The following CCSER1 variants were observed in gnomAD, a reference collection of about 807,000 sequenced individuals.
CCSER1 encodes the protein serine-rich coiled-coil domain-containing protein 1.
Under a neutral mutation model 82.0 loss-of-function variants are expected in CCSER1, and 41 were observed. The observed-to-expected ratio is 0.50, with a 90% CI of 0.39 to 0.65. CCSER1 has a LOEUF of 0.65. CCSER1 is among the 30% of genes least tolerant of loss of function. The pLI is 0.00. For synonymous variants in CCSER1, 414 were observed against 383.9 expected, an observed-to-expected ratio of 1.08 and a Z score of -0.92; for missense variants, 1,119 against 1,064.2, an observed-to-expected ratio of 1.05 and a Z score of -0.72.
intron 10 of CCSER1, among the ~76,000 whole-genome samples, chr4:91,138,936 A>G (rs1728756657): frequency 6.6e-6 from 1 of 152,194 alleles, no homozygotes; most frequent in Non-Finnish European, 1.5e-5. Flanking sequence ...TTACATGGGC[A>G]TATGGCATGA....
At chr4:91,183,796 T>C (rs895492254) in intron 10 of CCSER1, among the ~76,000 whole-genome samples, 5 of 152,148 alleles carry the variant, frequency 3.3e-5, no homozygotes, top group African/African-American at 2.4e-5. Context: ...TGCTTTTCAA[T>C]TGGTTGTAAC....
intron 6 of CCSER1, among the ~76,000 whole-genome samples, chr4:90,663,036 A>C (rs1003903601): frequency 2.0e-5 from 3 of 152,202 alleles, no homozygotes; most frequent in African/African-American, 7.2e-5. Context: ...CTCTATAATG[A>C]GAGAGGAAAT....
At chr4:90,557,444 C>T (rs1017986374) in intron 5 of CCSER1, among the ~76,000 whole-genome samples, 9 of 152,128 alleles carry the variant, frequency 5.9e-5, no homozygotes, top group Admixed American at 1.3e-4. Flanking sequence ...TGGCCTCATT[C>T]ATCTTTATTT....
intron 7 of CCSER1, among the ~76,000 whole-genome samples, chr4:90,744,756 G>T (rs1045203846): frequency 1.3e-5 from 2 of 152,014 alleles, no homozygotes; most frequent in Non-Finnish European, 2.9e-5. Flanking sequence ...TGAACTGCAC[G>T]TACAAGGGAT....
chr4:90,127,922 C>G (rs1227015922), intron 1 of CCSER1, 91 bp downstream of exon 1: 1 of 151,834 alleles, frequency 6.6e-6, no homozygotes, highest in Non-Finnish European at 1.5e-5. Context: ...CGGGGATGAC[C>G]GCTCGGCAGG....
intron 4 of CCSER1, among the ~76,000 whole-genome samples, chr4:90,406,313 A>T (rs1435580228): frequency 6.6e-6 from 1 of 152,226 alleles, no homozygotes; most frequent in African/African-American, 2.4e-5. Context: ...AAAATATTGC[A>T]GTTCTAAATA....
At chr4:90,781,607 A>C in intron 7 of CCSER1, 1 of 974,328 alleles carries the variant, frequency 1.0e-6, no homozygotes, top group Non-Finnish European at 1.2e-6. Context: ...TGAAAACAAT[A>C]AGGTGTTTTT....
chr4:90,247,340 T>C (rs1446979463), intron 1 of CCSER1, among the ~76,000 whole-genome samples: 1 of 152,146 alleles, frequency 6.6e-6, no homozygotes, highest in Non-Finnish European at 1.5e-5. Flanking sequence ...AGGGAACTTG[T>C]CGTAGTTGTT....
At chr4:91,118,569 C>A (rs1337661657) in intron 10 of CCSER1, among the ~76,000 whole-genome samples, 1 of 152,130 alleles carries the variant, frequency 6.6e-6, no homozygotes, top group East Asian at 1.9e-4. Flanking sequence ...GCCACTGTGC[C>A]TGGCTGAGCC....
intron 1 of CCSER1, among the ~76,000 whole-genome samples, chr4:90,216,685 G>A (rs1741099087): frequency 6.6e-6 from 1 of 152,056 alleles, no homozygotes; most frequent in Admixed American, 6.6e-5. Flanking sequence ...TTATAGTATA[G>A]TTTGAAGTCC....
At chr4:90,745,678 C>CTTTTTTTTTTTTTTTTTTTTTTTTT (rs537380046) in intron 7 of CCSER1, among the ~76,000 whole-genome samples, 1 of 72,236 alleles carries the variant, frequency 1.4e-5, no homozygotes, top group South Asian at 6.4e-4. Flanking sequence ...TTTCTTTTAT[C>CTTTTTTTTTTTTTTTTTTTTTTTTT]TTTTTTTTTT....
At chr4:90,758,628 ATTTTT>A (rs1749924556) in intron 7 of CCSER1, among the ~76,000 whole-genome samples, 1 of 152,138 alleles carries the variant, frequency 6.6e-6, no homozygotes, top group Non-Finnish European at 1.5e-5. Flanking sequence ...ATCAGGTGTT[ATTTTT>A]AAGTGTTTTT....
chr4:90,969,189 C>T (rs181264990), intron 9 of CCSER1, among the ~76,000 whole-genome samples: 2 of 151,732 alleles, frequency 1.3e-5, no homozygotes, highest in African/African-American at 4.8e-5. Context: ...ACAGTATACA[C>T]ATTATGTAAG....
chr4:90,444,533 A>G (rs1356078953), intron 4 of CCSER1, among the ~76,000 whole-genome samples: 1 of 152,048 alleles, frequency 6.6e-6, no homozygotes, highest in East Asian at 1.9e-4. Context: ...AGTATATGAT[A>G]AGGATGCATT....
intron 10 of CCSER1, among the ~76,000 whole-genome samples, chr4:91,254,018 A>G (rs1740478635): frequency 1.3e-5 from 2 of 152,206 alleles, no homozygotes; most frequent in Non-Finnish European, 2.9e-5. Flanking sequence ...GGGGATTGCA[A>G]TTCAACATGA....
intron 10 of CCSER1, among the ~76,000 whole-genome samples, chr4:91,548,246 G>C (rs1286798471): frequency 6.6e-6 from 1 of 152,098 alleles, no homozygotes; most frequent in Non-Finnish European, 1.5e-5. Context: ...CAACTTCACA[G>C]GTAATGCAAT....
intron 5 of CCSER1, among the ~76,000 whole-genome samples, chr4:90,518,197 G>A (rs1772544050): frequency 6.6e-6 from 1 of 151,996 alleles, no homozygotes; most frequent in Non-Finnish European, 1.5e-5. Context: ...TTTCCACAGA[G>A]GTGCCACCAA....
chr4:91,348,804 T>C (rs1447829959), intron 10 of CCSER1, among the ~76,000 whole-genome samples: 1 of 152,198 alleles, frequency 6.6e-6, no homozygotes, highest in Non-Finnish European at 1.5e-5. Flanking sequence ...AGTTGCTTTT[T>C]TATTTCTCAT....
At chr4:90,619,757 C>A (rs1424887513) in intron 5 of CCSER1, among the ~76,000 whole-genome samples, 1 of 151,908 alleles carries the variant, frequency 6.6e-6, no homozygotes, top group Non-Finnish European at 1.5e-5. Flanking sequence ...TGGTGTGTAT[C>A]TTTATGTGTA....
Sources: allele counts gnomAD v4.1 joint callset (sites outside exome capture counted in the v4.1 genomes callset), GRCh38; gene constraint gnomAD v4.1.1; transcripts MANE v1.5; gene names NCBI Gene and HGNC (gene_info 2026-07-23, HGNC 2026-07-21).